Variants in TTC6 observed in about 807,000 individuals in gnomAD.
TTC6 encodes tetratricopeptide repeat domain 6, also known as tetratricopeptide repeat protein 6.
TTC6 carries 172 observed loss-of-function variants against 210.4 expected under a neutral mutation model. The observed-to-expected ratio is 0.82, with a 90% confidence interval of 0.72 to 0.93. TTC6 has a LOEUF of 0.93. Ranked by LOEUF, TTC6 falls within the 40% of genes least tolerant of loss-of-function variation. TTC6 has a pLI of 0.00. For synonymous variants in TTC6, 804 were observed against 819.6 expected (o/e 0.98, Z 0.32); for missense variants, 2,414 against 2,318.1 (o/e 1.04, Z -0.85).
chr14:37,693,268 A>T (rs2095807804), intron 3 of TTC6, among the ~76,000 whole-genome samples: 1 of 152,122 alleles, frequency 6.6e-6, no homozygotes, highest in African/African-American at 2.4e-5. Context: ...ACTGAAAAAG[A>T]AGTAAAAAGT....
At chr14:37,720,956 T>C (rs2095860721) in intron 6 of TTC6, among the ~76,000 whole-genome samples, 1 of 152,130 alleles carries the variant, frequency 6.6e-6, no homozygotes, top group South Asian at 2.1e-4. Context: ...TTTTGCCTGA[T>C]GTTGTCTTTG....
chr14:37,698,563 C>T (rs1229703234), intron 4 of TTC6, among the ~76,000 whole-genome samples: 1 of 152,082 alleles, frequency 6.6e-6, no homozygotes, highest in Non-Finnish European at 1.5e-5. Context: ...TTTCTGGACA[C>T]CCCCTTTCAC....
chr14:37,597,544 C>A (rs374448681), intron 1 of TTC6, among the ~76,000 whole-genome samples: 3 of 148,808 alleles, frequency 2.0e-5, no homozygotes, highest in Admixed American at 6.7e-5. Context: ...CTCATATTTT[C>A]AAAAAAAAAA....
At position 37,806,516 on chromosome 14, in the gene TTC6, T is replaced by G. The variant is rs1024977423; in HGVS notation, c.4314+6T>G. The G allele has an allele frequency of 4.0e-6, 6 of 1,514,120 alleles. No homozygotes were observed. Among genetic ancestry groups the G allele is most frequent in the Non-Finnish European group, 5.3e-6 (6 of 1,133,776 alleles). 93.8% of individuals were successfully genotyped at this position (1,514,120 alleles called of 1,614,324 possible). On this transcript the variant is annotated splice_donor_region_variant and intron_variant, in intron 22 of 30. Transcript: ENST00000553443. ...TCAATCCAAAACATTACCAGGTATT[T>G]AAACAGATGTTTTTAGTGAGTTGGA...
chr14:37,837,650 T>C, intron 29 of TTC6: 1 of 192,006 alleles, frequency 5.2e-6, no homozygotes, highest in South Asian at 7.2e-5. Flanking sequence ...TGTTACATAT[T>C]AGTTCACTTA....
At position 37,652,294 on chromosome 14, in the gene TTC6, G is replaced by A. The variant is rs1039823728; in HGVS notation, c.940-27857G>A. Among the ~76,000 whole-genome samples the A allele has an allele frequency of 4.6e-5, 7 of 152,126 alleles. No individual in the cohort carries two copies. The East Asian group carries it at 7.7e-4, about 17-fold the overall frequency. On this transcript the variant is annotated intron_variant, in intron 1 of 30. Coordinates refer to ENST00000553443, the Ensembl canonical transcript of TTC6. ...TAATCCATTGCACAGGTTGAGGAGC[G>A]ATGGTGAACACCCGATCAGAGAATA...
chr14:37,701,275 T>C, intron 4 of TTC6, 57 bp from the exon 7 acceptor site: 1 of 1,233,474 alleles, frequency 8.1e-7, no homozygotes, highest in Non-Finnish European at 1.0e-6. Context: ...TAAATGTACT[T>C]TATATCTAAA....
intron 29 of TTC6, among the ~76,000 whole-genome samples, chr14:37,837,837 C>G (rs1412942699): frequency 6.6e-6 from 1 of 152,102 alleles, no homozygotes; most frequent in African/African-American, 2.4e-5. Context: ...TCCATATCAC[C>G]CATGATGGAA....
chr14:37,602,461 T>A (rs935985475), intron 1 of TTC6, among the ~76,000 whole-genome samples: 1 of 152,164 alleles, frequency 6.6e-6, no homozygotes, highest in African/African-American at 2.4e-5. Context: ...CATCCTTAAA[T>A]TTTATTTGCC....
Position 37,683,614 on chromosome 14 carries a change from T to C in TTC6, c.1257+650T>C, listed in dbSNP as rs2095788538. Among the ~76,000 whole-genome samples the C allele has an allele frequency of 2.0e-5, 3 of 152,150 alleles. No homozygotes were observed. The South Asian group carries it at 6.2e-4, about 32-fold the overall frequency. Reference sequence around the variant, plus strand: ...AAATTTTATTACAGTATGTTATAATTGTTCTATTGTATTATTAGTTATGGT... The same window carrying C: ...AAATTTTATTACAGTATGTTATAATCGTTCTATTGTATTATTAGTTATGGT... On this transcript the variant is annotated intron_variant, in intron 3 of 30. Coordinates refer to ENST00000553443, the Ensembl canonical transcript of TTC6.
upstream of TTC6, among the ~76,000 whole-genome samples, chr14:37,595,660 T>C (rs150500570): frequency 6.8e-3 from 1,027 of 152,134 alleles, 13 homozygotes; most frequent in African/African-American, 0.023. Context: ...CGTCGGAGAC[T>C]GGGCTTAGAG....
rs571961764 is a variant in TTC6, at chr14:37,684,371, C to T, written c.1257+1407C>T. ...GGAAGATCCACAAGTAATAGTTGAC[C>T]AGAGGAAATCCACCACTGCTTCCAG... is the stretch of plus-strand genomic sequence containing the variant. On this transcript the variant is annotated intron_variant, in intron 3 of 30. Transcript: ENST00000553443. Among the ~76,000 whole-genome samples the T allele has an allele frequency of 2.0e-5, 3 of 151,962 alleles. No homozygotes were observed. In the East Asian group the frequency reaches 5.8e-4, roughly 29 times the overall value.
At chr14:37,680,200 C>G (rs997360144) in exon 2 of TTC6, 1 of 1,534,216 alleles carries the variant, frequency 6.5e-7, no homozygotes, top group Admixed American at 2.0e-5. Flanking sequence ...CCTATGCAAG[C>G]AGAAACACCT....
intron 1 of TTC6, among the ~76,000 whole-genome samples, chr14:37,671,627 A>C (rs1450977142): frequency 6.6e-6 from 1 of 152,142 alleles, no homozygotes; most frequent in Non-Finnish European, 1.5e-5. Flanking sequence ...AACAGCAAAA[A>C]CAGTGTTTTT....
At chr14:37,736,176 A>T (rs1450642746) in intron 8 of TTC6, among the ~76,000 whole-genome samples, 166 bp downstream of exon 10, 1 of 152,094 alleles carries the variant, frequency 6.6e-6, no homozygotes, top group African/African-American at 2.4e-5. Flanking sequence ...ACTTGAGGCC[A>T]GGAGTTACAG....
At chr14:37,786,101 C>G (rs942787390) in intron 14 of TTC6, among the ~76,000 whole-genome samples, 3 of 152,184 alleles carry the variant, frequency 2.0e-5, no homozygotes, top group Admixed American at 6.5e-5. Context: ...GCAGTCTGTC[C>G]ATTCTCAGAT....
chr14:37,785,461 A>T (rs2139292343), intron 14 of TTC6, among the ~76,000 whole-genome samples: 1 of 151,998 alleles, frequency 6.6e-6, no homozygotes, highest in East Asian at 1.9e-4. Flanking sequence ...ATTGTTTTGA[A>T]CTCCATCAGG....
At chr14:37,837,340 G>T in intron 29 of TTC6, 1 of 447,520 alleles carries the variant, frequency 2.2e-6, no homozygotes, top group African/African-American at 2.0e-5. Flanking sequence ...TCTTGGCCTG[G>T]CTTGGAGTCT....
At chr14:37,700,930 TTTAGGGACA>T (rs2095824133) in intron 4 of TTC6, among the ~76,000 whole-genome samples, 1 of 152,080 alleles carries the variant, frequency 6.6e-6, no homozygotes, top group African/African-American at 2.4e-5. Context: ...GTTCCACTTC[TTTAGGGACA>T]TTAGCATTTG....
Sources: allele counts gnomAD v4.1 joint callset (sites outside exome capture counted in the v4.1 genomes callset), GRCh38; gene constraint gnomAD v4.1.1; transcripts MANE v1.5; gene names NCBI Gene and HGNC (gene_info 2026-07-23, HGNC 2026-07-21).